Variants in NADK observed in about 807,000 individuals in gnomAD.
The protein encoded by NADK is NAD kinase.
NADK carries 22 observed loss-of-function variants against 49.8 expected under a neutral mutation model. The ratio of observed to expected loss-of-function variants is 0.44; its 90% CI spans 0.32 to 0.63. The LOEUF is 0.63. Among genes scored for constraint, NADK ranks in the 30% least tolerant of loss-of-function variants. The pLI is 0.06. For missense variants in NADK, 438 were observed against 609.4 expected, an observed-to-expected ratio of 0.72 and a Z score of 2.96; for synonymous variants, 268 against 253.7, an observed-to-expected ratio of 1.06 and a Z score of -0.54.
At position 1,754,573 on chromosome 1, in the gene NADK, C is replaced by T. The variant is rs754601133; in HGVS notation, c.814G>A (p.Asp272Asn). ...NGSQAAGLDM[D>N]VGKQAMQYQV... ...TACTGCATGGCCTGCTTCCCGACAT[C>T]CATGTCCAGGCCTGCAGCCTGCGAG... is the stretch of plus-strand genomic sequence containing the variant. Residue 272 changes from aspartate to asparagine, a missense_variant, in exon 8 of 12, where the codon GAT becomes AAT. Transcript: ENST00000341426. This position sits in a 1 kb window ranked among gnomAD's most constrained non-coding sequence, Gnocchi z 4.3. 3 of 1,613,222 alleles carry T rather than the reference C, an allele frequency of 1.9e-6. No homozygotes were observed. Among genetic ancestry groups the T allele is most frequent in the East Asian group, 2.2e-5 (1 of 44,874 alleles).
chr1:1,762,088 G>C lies in NADK; in HGVS notation c.180-53C>G, dbSNP rs1025348655. 9 of 1,477,406 alleles carry C rather than the reference G, an allele frequency of 6.1e-6. No individual in the cohort carries two copies. In the Admixed American group the frequency reaches 1.5e-4, roughly 25 times the overall value. 91.5% of individuals were successfully genotyped at this position (1,477,406 alleles called of 1,614,324 possible). A position where few individuals can be genotyped will look rare whatever the true frequency, so the allele number is the denominator to read the frequency against. ...ACCAGGGCCTGAAACCAGACATGCA[G>C]TGACAGACACAGATACAGAGGAGGT... is the stretch of plus-strand genomic sequence containing the variant. On this transcript the variant is annotated intron_variant, in intron 2 of 11. Coordinates refer to ENST00000341426, the MANE Select transcript of NADK (RefSeq NM_023018.5).
At chr1:1,771,771 C>T (rs1002054060) in intron 1 of NADK, among the ~76,000 whole-genome samples, 1 of 152,034 alleles carries the variant, frequency 6.6e-6, no homozygotes, top group Non-Finnish European at 1.5e-5. Context: ...AGGACTAAAA[C>T]TATGAAACTT....
chr1:1,756,073 C>T, intron 6 of NADK, 185 bp downstream of exon 6: 1 of 633,190 alleles, frequency 1.6e-6, no homozygotes. Flanking sequence ...GCACTGTGTC[C>T]ACACTGCCCC....
chr1:1,763,194 G>A (rs894753684), intron 2 of NADK, among the ~76,000 whole-genome samples: 3 of 152,212 alleles, frequency 2.0e-5, no homozygotes, highest in Admixed American at 1.3e-4. Flanking sequence ...TTAAAAATTG[G>A]TAAGTACAGG....
intron 5 of NADK, 41 bp downstream of exon 5, chr1:1,756,462 C>G: frequency 6.2e-7 from 1 of 1,613,242 alleles, no homozygotes; most frequent in South Asian, 1.1e-5. Flanking sequence ...GGGCGGGGAA[C>G]TGTGCTGGAG....
At chr1:1,759,970 A>T (rs527586102) in intron 3 of NADK, 1 of 1,502,316 alleles carries the variant, frequency 6.7e-7, no homozygotes, top group East Asian at 2.5e-5. Flanking sequence ...GGTGCCAGGG[A>T]CACAGCAAGC....
intron 3 of NADK, chr1:1,759,620 CG>C: frequency 8.2e-7 from 1 of 1,217,858 alleles, no homozygotes; most frequent in Non-Finnish European, 1.1e-6. Flanking sequence ...CCCTCCACAG[CG>C]GGGATGGGAA....
chr1:1,773,499 C>T (rs913136676), intron 1 of NADK, among the ~76,000 whole-genome samples: 2 of 150,874 alleles, frequency 1.3e-5, no homozygotes, highest in African/African-American at 2.4e-5. Flanking sequence ...ACTTGTAATC[C>T]CAGCACTTTG....
Position 1,765,365 on chromosome 1 carries a change from C to T in NADK, c.42G>A (p.Leu14=). The change falls in exon 2 of 12, where the codon TTG becomes TTA. Residue 14 remains leucine, a synonymous_variant. Transcript: ENST00000341426. ...AGCAGTAAGCAGCCGCGTCTGGACT[C>T]AATTCCTTATTCATGGTCATTTTTT... is the stretch of plus-strand genomic sequence containing the variant. The part of the protein sequence containing the change: ...EQEKMTMNKE[L]SPDAAAYCCS... The T allele has an allele frequency of 1.2e-6, 2 of 1,610,102 alleles. No individual in the cohort carries two copies. Among genetic ancestry groups the T allele is most frequent in the Non-Finnish European group, 1.7e-6 (2 of 1,177,788 alleles).
chr1:1,762,146 T>C, intron 2 of NADK, 111 bp from the exon 3 acceptor site: 1 of 877,278 alleles, frequency 1.1e-6, no homozygotes, highest in African/African-American at 1.7e-5. Context: ...ATTTGAAAGA[T>C]GCCAACTCCA....
intron 1 of NADK, 119 bp from the exon 2 acceptor site, chr1:1,765,565 A>G: frequency 2.0e-6 from 1 of 498,028 alleles, no homozygotes. Flanking sequence ...AGTCCAATTT[A>G]CCAAAGTACT....
upstream of NADK, chr1:1,780,390 C>T (rs555341679): frequency 6.6e-6 from 1 of 152,366 alleles, no homozygotes; most frequent in East Asian, 1.9e-4. Flanking sequence ...GGTCACACAG[C>T]AGGTGCCCTT....
At chr1:1,759,219 G>A (rs1645634819) in intron 3 of NADK, 1 of 1,576,044 alleles carries the variant, frequency 6.3e-7, no homozygotes. Flanking sequence ...CCACAAACCA[G>A]CGCCTCGACC....
intron 3 of NADK, 62 bp from the exon 4 acceptor site, chr1:1,757,372 T>C: frequency 1.4e-6 from 2 of 1,413,974 alleles, no homozygotes; most frequent in East Asian, 2.3e-5. Context: ...AAAAGGTGTA[T>C]GACTTAGAAA....
rs980240963 is a variant in NADK at position 1,753,030 on chromosome 1, G to C, written c.1215C>G (p.Leu405=). 1.2e-6 allele frequency: 2 copies of C among 1,611,208 alleles called. No individual in the cohort carries two copies. Among genetic ancestry groups the C allele is most frequent in the African/African-American group, 2.7e-5 (2 of 74,916 alleles). ...CGGGGTCCCGCACACAGATGGAGGG[G>C]AGCGGGTAGCATGAGGTAGTGATGC... The part of the protein sequence containing the change: ...SISITTSCYP[L]PSICVRDPVS... The change falls in exon 12 of 12, where the codon CTC becomes CTG. Residue 405 remains leucine, a synonymous_variant. Transcript: ENST00000341426.
chr1:1,760,559 G>C (rs117271065), intron 3 of NADK, among the ~76,000 whole-genome samples: 1 of 152,188 alleles, frequency 6.6e-6, no homozygotes, highest in African/African-American at 2.4e-5. Context: ...CGTATCACAC[G>C]GCCGCATTGC....
At chr1:1,755,992 C>T (rs1348397648) in intron 6 of NADK, 15 of 565,452 alleles carry the variant, frequency 2.7e-5, no homozygotes, top group East Asian at 1.5e-4. Context: ...TAGGCGAGGT[C>T]GTTTCCCAGG....
chr1:1,764,246 A>G (rs963604988), intron 2 of NADK, among the ~76,000 whole-genome samples: 2 of 152,142 alleles, frequency 1.3e-5, no homozygotes, highest in African/African-American at 4.8e-5. Flanking sequence ...GATAGTCGTG[A>G]TCCTTGTTAG....
chr1:1,753,437 C>T (rs1285653175), intron 11 of NADK, 130 bp downstream of exon 11: 2 of 723,634 alleles, frequency 2.8e-6, no homozygotes, highest in African/African-American at 3.6e-5. Flanking sequence ...TGCTGCAAGA[C>T]CCAGGGACTC....
Sources: gnomAD v4.1 joint callset for allele counts (sites outside exome capture counted in the v4.1 genomes callset) on GRCh38, gnomAD v4.1.1 for gene constraint, Gnocchi (gnomAD v3.1) non-coding constraint, MANE v1.5 for transcripts, NCBI Gene and HGNC (gene_info 2026-07-23, HGNC 2026-07-21) for gene names.